CHN2: variants seen among roughly 807,000 people sequenced by gnomAD.
The protein encoded by CHN2 is chimerin 2.
In CHN2, 35 loss-of-function variants were observed where a neutral mutation model predicts 56.3. That is an observed-to-expected ratio of 0.62 (90% CI 0.47 to 0.82). The LOEUF is 0.82. Ranked by LOEUF, CHN2 falls within the 40% of genes least tolerant of loss-of-function variation. The pLI, the probability that CHN2 is intolerant of heterozygous loss-of-function variation, is 0.00. For missense variants in CHN2, 491 were observed against 580.5 expected (o/e 0.85, Z 1.58); for synonymous variants, 210 against 212.8 (o/e 0.99, Z 0.12).
intron 3 of CHN2, among the ~76,000 whole-genome samples, chr7:29,369,243 T>C (rs1799417125): frequency 6.6e-6 from 1 of 152,138 alleles, no homozygotes; most frequent in Non-Finnish European, 1.5e-5. Context: ...ATTATTGCCA[T>C]GTGTAAGGAG....
At chr7:29,205,374 G>A (rs1784443910) in intron 1 of CHN2, among the ~76,000 whole-genome samples, 1 of 152,148 alleles carries the variant, frequency 6.6e-6, no homozygotes, top group Non-Finnish European at 1.5e-5. Flanking sequence ...TGGGGATCTG[G>A]TCCAAACACC....
intron 1 of CHN2, among the ~76,000 whole-genome samples, chr7:29,281,155 T>A (rs933830087): frequency 6.6e-6 from 1 of 152,250 alleles, no homozygotes; most frequent in Non-Finnish European, 1.5e-5. Flanking sequence ...CCTTGTGCTC[T>A]GTCCTCAATC....
At chr7:29,221,744 G>A (rs920778883) in intron 1 of CHN2, among the ~76,000 whole-genome samples, 3 of 152,180 alleles carry the variant, frequency 2.0e-5, no homozygotes, top group Admixed American at 1.3e-4. Context: ...CGTTTGCTGA[G>A]GAAAACAGCT....
At position 29,502,700 on chromosome 7, in the gene CHN2, T is replaced by C. The variant is rs371191653; in HGVS notation, c.914-2044T>C. On this transcript the variant is annotated intron_variant, in intron 9 of 12. Transcript: ENST00000222792. ...CAGGAAAATTACCCCCATTTAATTATAATCCAAACCATACAACTTGGCATA... is the reference window on the plus strand; with the variant it reads ...CAGGAAAATTACCCCCATTTAATTACAATCCAAACCATACAACTTGGCATA... 4.4e-4 allele frequency among the ~76,000 whole-genome samples: 67 copies of C among 152,262 alleles called. No individual in the cohort carries two copies. The East Asian group carries it at 9.1e-3, about 21-fold the overall frequency.
At chr7:29,359,280 A>G (rs1317752536) in intron 2 of CHN2, among the ~76,000 whole-genome samples, 1 of 152,244 alleles carries the variant, frequency 6.6e-6, no homozygotes, top group Non-Finnish European at 1.5e-5. Flanking sequence ...AGGAAGATGA[A>G]AATGGATGCT....
intron 1 of CHN2, among the ~76,000 whole-genome samples, chr7:29,240,944 G>C (rs1787625123): frequency 6.6e-6 from 1 of 151,792 alleles, no homozygotes; most frequent in African/African-American, 2.4e-5. Context: ...GGAGTGCGGT[G>C]AGGCAATCTC....
intron 1 of CHN2, among the ~76,000 whole-genome samples, chr7:29,323,570 G>A (rs189943019): frequency 8.5e-5 from 13 of 152,156 alleles, no homozygotes; most frequent in South Asian, 2.1e-4. Context: ...AGGCCGCCTC[G>A]CCACGTGGGA....
chr7:29,221,405 C>G (rs1355260983), intron 1 of CHN2, among the ~76,000 whole-genome samples: 1 of 152,096 alleles, frequency 6.6e-6, no homozygotes. Context: ...AAATTTTAAA[C>G]CATAATTTAT....
chr7:29,206,743 G>C (rs1784548301), intron 1 of CHN2, among the ~76,000 whole-genome samples: 1 of 152,170 alleles, frequency 6.6e-6, no homozygotes, highest in Non-Finnish European at 1.5e-5. Flanking sequence ...AGTAAAGCTA[G>C]AGTTCAACAT....
At chr7:29,324,295 G>C (rs924435769) in intron 1 of CHN2, among the ~76,000 whole-genome samples, 1 of 152,132 alleles carries the variant, frequency 6.6e-6, no homozygotes, top group Non-Finnish European at 1.5e-5. Context: ...TTAGCAGCAC[G>C]CATGCATCTC....
chr7:29,501,816 T>A (rs1583423087), intron 9 of CHN2, among the ~76,000 whole-genome samples: 1 of 152,342 alleles, frequency 6.6e-6, no homozygotes, highest in East Asian at 1.9e-4. Flanking sequence ...GTTCTCCAAA[T>A]GTTCTTTTAT....
intron 6 of CHN2, among the ~76,000 whole-genome samples, chr7:29,446,631 A>T (rs1223603325): frequency 6.6e-6 from 1 of 152,182 alleles, no homozygotes; most frequent in Non-Finnish European, 1.5e-5. Context: ...GGTAAGGAAG[A>T]TGAGAGAGCT....
chr7:29,268,942 A>G (rs1192159704), intron 1 of CHN2, among the ~76,000 whole-genome samples: 1 of 152,238 alleles, frequency 6.6e-6, no homozygotes, highest in Non-Finnish European at 1.5e-5. Context: ...GATACATAAT[A>G]GTTGCATATA....
intron 6 of CHN2, among the ~76,000 whole-genome samples, chr7:29,430,602 C>T (rs973427613): frequency 5.3e-5 from 8 of 152,058 alleles, no homozygotes; most frequent in African/African-American, 1.7e-4. Context: ...TAAAGCTCAG[C>T]TACGAGAGTA....
intron 7 of CHN2, among the ~76,000 whole-genome samples, chr7:29,487,605 C>T (rs935925017): frequency 6.6e-6 from 1 of 152,152 alleles, no homozygotes; most frequent in Non-Finnish European, 1.5e-5. Context: ...GAAACAGGAA[C>T]TGGGAGTATA....
At chr7:29,396,903 A>G (rs6979199) in intron 4 of CHN2, 29,768 of 152,520 alleles carry the variant, frequency 0.2, 4,617 homozygotes, top group African/African-American at 0.43. Flanking sequence ...CCAGGCCCCA[A>G]TAAACTGGCC....
At chr7:29,255,689 A>G (rs1160727648) in intron 1 of CHN2, among the ~76,000 whole-genome samples, 1 of 152,182 alleles carries the variant, frequency 6.6e-6, no homozygotes, top group Non-Finnish European at 1.5e-5. Context: ...TGGGTTTTTT[A>G]TAAAAACAAA....
intron 1 of CHN2, among the ~76,000 whole-genome samples, chr7:29,293,114 T>A (rs1258769376): frequency 6.6e-6 from 1 of 152,130 alleles, no homozygotes; most frequent in Non-Finnish European, 1.5e-5. Context: ...GCAGCACTCG[T>A]TTGCAGCTAC....
chr7:29,468,140 G>GCCCCCCC (rs67134171), intron 6 of CHN2, among the ~76,000 whole-genome samples: 1 of 57,582 alleles, frequency 1.7e-5, no homozygotes, highest in South Asian at 8.7e-4. Flanking sequence ...AAACGGACCC[G>GCCCCCCC]CCCCCCCCCC....
Sources: gnomAD v4.1 joint callset for allele counts (sites outside exome capture counted in the v4.1 genomes callset) on GRCh38, gnomAD v4.1.1 for gene constraint, MANE v1.5 for transcripts, NCBI Gene and HGNC (gene_info 2026-07-23, HGNC 2026-07-21) for gene names.